Variants in MSRA observed in about 807,000 individuals in gnomAD.
MSRA encodes mitochondrial peptide methionine sulfoxide reductase.
MSRA carries 54 observed loss-of-function variants against 31.3 expected under a neutral mutation model. The observed-to-expected ratio is 1.73, with a 90% confidence interval of 1.39 to 2.17. The LOEUF (loss-of-function observed/expected upper bound fraction) is 2.17. Ranked by LOEUF, MSRA falls within the 30% of genes most tolerant of loss-of-function variation. The pLI, the probability that MSRA is intolerant of heterozygous loss-of-function variation, is 0.00. For synonymous variants in MSRA, 169 were observed against 116.5 expected, an observed-to-expected ratio of 1.45 and a Z score of -2.90; for missense variants, 507 against 300.9, an observed-to-expected ratio of 1.69 and a Z score of -5.07.
chr8:10,106,159 C>A (rs979702814), intron 1 of MSRA, among the ~76,000 whole-genome samples: 1 of 152,172 alleles, frequency 6.6e-6, no homozygotes, highest in African/African-American at 2.4e-5. Context: ...GAAGAGTGGG[C>A]TTGCAAACCC....
chr8:10,087,042 T>A (rs1798595963), intron 1 of MSRA, among the ~76,000 whole-genome samples: 1 of 152,160 alleles, frequency 6.6e-6, no homozygotes, highest in Non-Finnish European at 1.5e-5. Flanking sequence ...GGAGGCAACA[T>A]GGAAGACATG....
chr8:10,150,543 A>G lies in MSRA; in HGVS notation c.143-57290A>G, dbSNP rs1301355437. On this transcript the variant is annotated intron_variant, in intron 1 of 5. Transcript: ENST00000317173. The stretch of plus-strand genomic sequence containing the variant: ...ATCAACGGCTTACTACACGATAATT[A>G]TGACCAAAATGCCAATTAATGTGTT... Among the ~76,000 whole-genome samples, 4 of 152,220 alleles carry G rather than the reference A, an allele frequency of 2.6e-5. No homozygotes were observed. The East Asian group carries it at 7.7e-4, about 29-fold the overall frequency.
chr8:10,138,803 C>G (rs1802478861), intron 1 of MSRA, among the ~76,000 whole-genome samples: 3 of 152,166 alleles, frequency 2.0e-5, no homozygotes, highest in Admixed American at 2.0e-4. Flanking sequence ...TAGTGCAGAA[C>G]TAAGGCCAAA....
chr8:10,080,821 G>T (rs974381551), intron 1 of MSRA, among the ~76,000 whole-genome samples: 3 of 151,932 alleles, frequency 2.0e-5, no homozygotes, highest in Non-Finnish European at 4.4e-5. Flanking sequence ...TTATAGGTGT[G>T]AGCCACCGTG....
chr8:10,092,033 G>A (rs1798883941), intron 1 of MSRA, among the ~76,000 whole-genome samples: 1 of 152,024 alleles, frequency 6.6e-6, no homozygotes, highest in Non-Finnish European at 1.5e-5. Context: ...ACTTGTTTTT[G>A]TTGATCTTTT....
intron 2 of MSRA, among the ~76,000 whole-genome samples, chr8:10,215,896 C>A (rs550172092): frequency 2.0e-5 from 3 of 152,160 alleles, no homozygotes; most frequent in African/African-American, 7.2e-5. Context: ...ATGTGGCGGA[C>A]ATTTCTTAAA....
intron 1 of MSRA, among the ~76,000 whole-genome samples, chr8:10,200,302 A>G (rs916594525): frequency 6.6e-6 from 1 of 152,152 alleles, no homozygotes; most frequent in African/African-American, 2.4e-5. Flanking sequence ...CTGTTGTCCA[A>G]TTGTCCTCTG....
At chr8:10,069,602 C>T (rs1797633980) in intron 1 of MSRA, among the ~76,000 whole-genome samples, 2 of 152,168 alleles carry the variant, frequency 1.3e-5, no homozygotes, top group Admixed American at 1.3e-4. Context: ...AACAGTGTGT[C>T]CTCACATGGC....
chr8:10,366,702 G>T (rs1242831304), intron 5 of MSRA, among the ~76,000 whole-genome samples: 1 of 152,190 alleles, frequency 6.6e-6, no homozygotes, highest in African/African-American at 2.4e-5. Context: ...TGCTGGGGAC[G>T]TCTGTCCATC....
At chr8:10,148,812 A>G (rs1232987342) in intron 1 of MSRA, among the ~76,000 whole-genome samples, 2 of 125,814 alleles carry the variant, frequency 1.6e-5, no homozygotes, top group South Asian at 5.8e-4. Context: ...AAAAAAAAAA[A>G]AAAAGGAAAC....
chr8:10,178,818 G>A (rs1256480041), intron 1 of MSRA, among the ~76,000 whole-genome samples: 1 of 152,236 alleles, frequency 6.6e-6, no homozygotes, highest in African/African-American at 2.4e-5. Flanking sequence ...AAAGAGGCAG[G>A]GAAATAAAAT....
At chr8:10,233,493 A>G (rs1811673619) in intron 2 of MSRA, among the ~76,000 whole-genome samples, 1 of 152,244 alleles carries the variant, frequency 6.6e-6, no homozygotes, top group Non-Finnish European at 1.5e-5. Context: ...TATGACAGAA[A>G]ATAGGCAAAA....
intron 1 of MSRA, among the ~76,000 whole-genome samples, chr8:10,130,938 G>A (rs1801849695): frequency 6.6e-6 from 1 of 152,140 alleles, no homozygotes; most frequent in Non-Finnish European, 1.5e-5. Flanking sequence ...TTCTTATAGG[G>A]CCTTTAAGAA....
intron 1 of MSRA, among the ~76,000 whole-genome samples, chr8:10,150,783 C>T (rs1231087252): frequency 6.6e-6 from 1 of 152,146 alleles, no homozygotes; most frequent in Non-Finnish European, 1.5e-5. Flanking sequence ...AAAGCACAGC[C>T]TTTTCTCTTC....
intron 1 of MSRA, among the ~76,000 whole-genome samples, chr8:10,072,820 A>G (rs1241969687): frequency 6.6e-6 from 1 of 152,142 alleles, no homozygotes. Context: ...CATGTTTGCT[A>G]TGTTCATACC....
At chr8:10,100,306 T>C (rs1164334651) in intron 1 of MSRA, among the ~76,000 whole-genome samples, 9 of 152,030 alleles carry the variant, frequency 5.9e-5, no homozygotes, top group Non-Finnish European at 1.2e-4. Flanking sequence ...GCATTGTGTA[T>C]AGTTCTGTGT....
intron 5 of MSRA, among the ~76,000 whole-genome samples, chr8:10,409,257 C>G (rs1407065181): frequency 6.6e-6 from 1 of 152,172 alleles, no homozygotes; most frequent in East Asian, 1.9e-4. Flanking sequence ...TTAATAGTAG[C>G]CATTCTGACT....
At chr8:10,188,046 C>G (rs1044151860) in intron 1 of MSRA, among the ~76,000 whole-genome samples, 4 of 152,182 alleles carry the variant, frequency 2.6e-5, no homozygotes, top group African/African-American at 9.7e-5. Context: ...GAGGATTTCT[C>G]ACAAGATTAA....
intron 5 of MSRA, among the ~76,000 whole-genome samples, chr8:10,404,565 C>T (rs928495863): frequency 2.0e-5 from 3 of 152,374 alleles, no homozygotes; most frequent in Non-Finnish European, 4.4e-5. Flanking sequence ...TACGATCTGC[C>T]GTCAGCAGCT....
Sources: gnomAD v4.1 joint callset for allele counts (sites outside exome capture counted in the v4.1 genomes callset) on GRCh38, gnomAD v4.1.1 for gene constraint, MANE v1.5 for transcripts, NCBI Gene and HGNC (gene_info 2026-07-23, HGNC 2026-07-21) for gene names.